Variants in GNAO1 observed in about 807,000 individuals in gnomAD.
GNAO1 encodes the protein G protein subunit alpha o1.
For synonymous variants in GNAO1, 164 were observed against 180.7 expected (o/e 0.91, Z 0.74); for missense variants, 166 against 478.7 (o/e 0.35, Z 6.10).
At chr16:56,262,172 G>C (rs2036909437) in intron 2 of GNAO1, among the ~76,000 whole-genome samples, 1 of 152,198 alleles carries the variant, frequency 6.6e-6, no homozygotes, top group South Asian at 2.1e-4. Flanking sequence ...GCAGCCAGCA[G>C]ATGTCCACTA....
chr16:56,290,017 A>G (rs1384985843), intron 3 of GNAO1, among the ~76,000 whole-genome samples: 1 of 152,176 alleles, frequency 6.6e-6, no homozygotes, highest in Non-Finnish European at 1.5e-5. Context: ...CTTTGCTCTC[A>G]GGATAAAGCC....
At position 56,343,634 on chromosome 16, in the gene GNAO1, G is replaced by A. The variant is rs187174899; in HGVS notation, c.723+6774G>A. 32 of 663,746 alleles carry A rather than the reference G, an allele frequency of 4.8e-5. 1 individual carries two copies. The African/African-American group carries it at 5.1e-4, about 10-fold the overall frequency. 41.1% of individuals were successfully genotyped at this position (663,746 alleles called of 1,614,324 possible). On this transcript the variant is annotated intron_variant, in intron 6 of 8. Transcript: ENST00000262493. The stretch of plus-strand genomic sequence containing the variant: ...CTGACCCCTCAGGTCCCCTCCATCA[G>A]GTTTTCCCTGTGCAGTTGTCTCTGA...
At chr16:56,262,652 T>C (rs1307582341) in intron 2 of GNAO1, among the ~76,000 whole-genome samples, 1 of 152,214 alleles carries the variant, frequency 6.6e-6, no homozygotes, top group East Asian at 1.9e-4. Flanking sequence ...GCTCCCAATG[T>C]ACAGTATTGT....
chr16:56,261,081 G>A (rs1020311251), intron 2 of GNAO1, among the ~76,000 whole-genome samples: 2 of 152,210 alleles, frequency 1.3e-5, no homozygotes, highest in African/African-American at 2.4e-5. Context: ...AAAAGTTGGC[G>A]TGGCAACTGA....
In GNAO1 at chr16:56,354,321, A is replaced by T. The variant is rs987138783; in HGVS notation, c.878-545A>T. 6.6e-6 allele frequency among the ~76,000 whole-genome samples: 1 copy of T among 151,916 alleles called. No homozygotes were observed. On this transcript the variant is annotated intron_variant, in intron 7 of 8. Coordinates refer to ENST00000262493, the MANE Select transcript of GNAO1 (RefSeq NM_020988.3). The surrounding 1 kb of genome is among the most constrained non-coding windows in gnomAD (Gnocchi z 4.3). ...TCTTGCAAAGTCCAAAGCCAGGCAA[A>T]TGCTCAGCCTGTGTATGGTTGGTGC...
chr16:56,336,440 C>T (rs2037740659), intron 5 of GNAO1: 2 of 292,376 alleles, frequency 6.8e-6, no homozygotes, highest in Admixed American at 4.8e-5. Context: ...CTGGGGGTGG[C>T]TCAGGTGCGC....
chr16:56,201,936 A>G (rs2036285181), intron 2 of GNAO1, among the ~76,000 whole-genome samples: 1 of 152,136 alleles, frequency 6.6e-6, no homozygotes, highest in Admixed American at 6.5e-5. Context: ...AGAGGGGTCA[A>G]TTTGAAATTC....
intron 3 of GNAO1, among the ~76,000 whole-genome samples, chr16:56,319,130 C>A (rs1368189610): frequency 6.6e-6 from 1 of 152,230 alleles, no homozygotes; most frequent in Non-Finnish European, 1.5e-5. Context: ...GAAAAGCTTA[C>A]ATTGCCATGA....
chr16:56,215,309 A>G (rs1170686710), intron 2 of GNAO1, among the ~76,000 whole-genome samples: 7 of 152,224 alleles, frequency 4.6e-5, no homozygotes, highest in African/African-American at 7.2e-5. Flanking sequence ...TTCTTTGTCT[A>G]TCTGAGTTTC....
chr16:56,355,197 TAACAA>T, intron 8 of GNAO1, 116 bp downstream of exon 8: 2 of 320,078 alleles, frequency 6.2e-6, no homozygotes, highest in East Asian at 1.1e-4. Flanking sequence ...TAAAGAGGCA[TAACAA>T]AACCTTATAT....
intron 3 of GNAO1, among the ~76,000 whole-genome samples, chr16:56,320,390 C>A (rs769349524): frequency 2.4e-4 from 37 of 152,218 alleles, no homozygotes; most frequent in Non-Finnish European, 1.0e-4. Flanking sequence ...GCTCACACAA[C>A]AGCCTTGCAG....
At chr16:56,243,636 G>A (rs922877061) in intron 2 of GNAO1, among the ~76,000 whole-genome samples, 2 of 152,166 alleles carry the variant, frequency 1.3e-5, no homozygotes, top group Non-Finnish European at 2.9e-5. Context: ...CCAAGGAATT[G>A]GAGGGAGCCC....
At chr16:56,269,369 C>T (rs752546481) in intron 2 of GNAO1, among the ~76,000 whole-genome samples, 3 of 152,192 alleles carry the variant, frequency 2.0e-5, no homozygotes, top group Non-Finnish European at 4.4e-5. Context: ...ACCCAGTTCA[C>T]ATCCTCTTCC....
chr16:56,192,527 T>G, intron 1 of GNAO1, 47 bp from the exon 2 acceptor site: 1 of 933,706 alleles, frequency 1.1e-6, no homozygotes, highest in Non-Finnish European at 1.6e-6. Context: ...CCCTGTTCCC[T>G]TAAGCTGACA....
At chr16:56,252,938 C>T (rs1462050774) in intron 2 of GNAO1, among the ~76,000 whole-genome samples, 1 of 152,208 alleles carries the variant, frequency 6.6e-6, no homozygotes, top group East Asian at 1.9e-4. Context: ...GAGGAGGTGC[C>T]GTCCATGCTG....
intron 2 of GNAO1, chr16:56,235,143 A>G (rs760023414): frequency 1.1e-5 from 4 of 360,144 alleles, no homozygotes; most frequent in Admixed American, 3.7e-5. Flanking sequence ...AGGAAGCAGC[A>G]TGGCATATAA....
intron 3 of GNAO1, among the ~76,000 whole-genome samples, chr16:56,277,766 G>A (rs1386648556): frequency 8.1e-6 from 1 of 123,948 alleles, no homozygotes. Flanking sequence ...AGTACAAAAG[G>A]CACACCCCCT....
At chr16:56,257,411 A>G (rs2036862260) in intron 2 of GNAO1, among the ~76,000 whole-genome samples, 1 of 152,114 alleles carries the variant, frequency 6.6e-6, no homozygotes, top group South Asian at 2.1e-4. Context: ...ACTCTGGGCC[A>G]CTTCTTGGCA....
At chr16:56,223,026 T>C (rs1234679393) in intron 2 of GNAO1, among the ~76,000 whole-genome samples, 1 of 152,190 alleles carries the variant, frequency 6.6e-6, no homozygotes, top group East Asian at 1.9e-4. Flanking sequence ...GGGTTTCTTA[T>C]TGTGGCTGTT....
Sources: gnomAD v4.1 joint callset for allele counts (sites outside exome capture counted in the v4.1 genomes callset) on GRCh38, gnomAD v4.1.1 for gene constraint, Gnocchi (gnomAD v3.1) non-coding constraint, MANE v1.5 for transcripts, NCBI Gene and HGNC (gene_info 2026-07-23, HGNC 2026-07-21) for gene names.